TCF12: variants seen among roughly 807,000 people sequenced by gnomAD.
TCF12 encodes transcription factor 12, also known as DNA-binding protein HTF4.
Under a neutral mutation model 86.0 loss-of-function variants are expected in TCF12, and 45 were observed. That is an observed-to-expected ratio of 0.52 (90% CI 0.41 to 0.67). TCF12 has a LOEUF of 0.67. Among genes scored for constraint, TCF12 ranks in the 30% least tolerant of loss-of-function variants. The probability of loss-of-function intolerance (pLI) is 0.00; values close to 1 mark genes in which losing one functional copy is unlikely to be tolerated. For missense variants in TCF12, 881 were observed against 859.9 expected (o/e 1.02, Z -0.31); for synonymous variants, 330 against 299.6 (o/e 1.10, Z -1.05).
chr15:57,267,618 A>G (rs1442074761), intron 18 of TCF12, among the ~76,000 whole-genome samples: 1 of 152,206 alleles, frequency 6.6e-6, no homozygotes, highest in Non-Finnish European at 1.5e-5. Flanking sequence ...TTAGAGGACA[A>G]AAGTAGCCAA....
chr15:57,068,451 AC>A (rs1269025780), intron 4 of TCF12, among the ~76,000 whole-genome samples: 2 of 152,334 alleles, frequency 1.3e-5, no homozygotes, highest in African/African-American at 4.8e-5. Context: ...TAATTTAACT[AC>A]TTTTATTTAT....
Position 57,262,182 on chromosome 15 carries a change from A to G in TCF12, c.1556A>G (p.Asn519Ser). ...STVTTSSTDL[N>S]HKTQENYRGG... Reference sequence around the variant, plus strand: ...GTCACTACTTCAAGCACAGACCTGAACCATAAAACACAAGAAAATTATAGA... The same window carrying G: ...GTCACTACTTCAAGCACAGACCTGAGCCATAAAACACAAGAAAATTATAGA... The change falls in exon 17 of 21, where the codon AAC (asparagine) becomes AGC (serine). Residue 519 changes from asparagine (N) to serine (S), a missense_variant. Transcript: ENST00000333725. The G allele has an allele frequency of 3.1e-6, 5 of 1,612,416 alleles. No homozygotes were observed. Among genetic ancestry groups the G allele is most frequent in the Non-Finnish European group, 4.2e-6 (5 of 1,178,910 alleles).
At chr15:57,067,908 A>G (rs1439459051) in intron 4 of TCF12, among the ~76,000 whole-genome samples, 3 of 152,210 alleles carry the variant, frequency 2.0e-5, no homozygotes, top group African/African-American at 7.2e-5. Flanking sequence ...GATCTAGTTA[A>G]TGAGTTTGTT....
intron 12 of TCF12, among the ~76,000 whole-genome samples, chr15:57,235,019 A>G (rs1198787886): frequency 1.3e-5 from 2 of 152,154 alleles, no homozygotes; most frequent in Non-Finnish European, 2.9e-5. Flanking sequence ...ATTTAAGGAG[A>G]TAAACCTCTT....
chr15:57,226,907 A>G (rs2058909303), intron 8 of TCF12, among the ~76,000 whole-genome samples: 1 of 127,510 alleles, frequency 7.8e-6, no homozygotes, highest in Non-Finnish European at 1.9e-5. Flanking sequence ...TTCAGTAGTC[A>G]TGTGACTGAT....
At chr15:57,227,162 C>T (rs1470705762) in intron 8 of TCF12, among the ~76,000 whole-genome samples, 2 of 152,132 alleles carry the variant, frequency 1.3e-5, no homozygotes, top group Admixed American at 1.3e-4. Context: ...CATGCTTTAA[C>T]TTTGTCTTAT....
chr15:57,028,251 G>A (rs1000098730), intron 3 of TCF12, among the ~76,000 whole-genome samples: 3 of 151,924 alleles, frequency 2.0e-5, no homozygotes, highest in Admixed American at 6.6e-5. Context: ...GTGAGCCACC[G>A]CGCCCGACTG....
chr15:57,112,310 G>T (rs1296060609), intron 5 of TCF12, among the ~76,000 whole-genome samples: 1 of 152,184 alleles, frequency 6.6e-6, no homozygotes, highest in Non-Finnish European at 1.5e-5. Context: ...GTAGTGCAAA[G>T]AAGCCAAGTC....
At chr15:57,228,366 T>A (rs117245847) in intron 8 of TCF12, among the ~76,000 whole-genome samples, 3,082 of 152,172 alleles carry the variant, frequency 0.02, 54 homozygotes, top group Middle Eastern at 0.034. Flanking sequence ...TTCAAAACAT[T>A]CTTATGATGA....
intron 3 of TCF12, among the ~76,000 whole-genome samples, chr15:57,021,313 G>A (rs372180523): frequency 3.0e-4 from 46 of 152,312 alleles, no homozygotes; most frequent in African/African-American, 1.0e-3. Context: ...GAAATGGGAA[G>A]GCATGGGTAA....
chr15:57,062,303 C>T lies in TCF12; in HGVS notation c.149-1447C>T, dbSNP rs543301153. On this transcript the variant is annotated intron_variant, in intron 3 of 20. Coordinates refer to ENST00000333725, the MANE Select transcript of TCF12 (RefSeq NM_207037.2). ...CATTCCCCAAACTCATAGAATATCT[C>T]TTAAATTTGGAACTTTAATACTAGC... is the stretch of plus-strand genomic sequence containing the variant. 2.4e-4 allele frequency among the ~76,000 whole-genome samples: 36 copies of T among 152,096 alleles called. 1 individual carries two copies. In the South Asian group the frequency reaches 7.3e-3, roughly 31 times the overall value.
intron 13 of TCF12, among the ~76,000 whole-genome samples, chr15:57,248,427 G>T (rs1179516607): frequency 6.6e-6 from 1 of 152,190 alleles, no homozygotes; most frequent in African/African-American, 2.4e-5. Context: ...TGCAGTAAGA[G>T]AATAAGTTTA....
chr15:57,197,152 C>CTTTTTTTTTTT (rs138145337), intron 7 of TCF12, among the ~76,000 whole-genome samples: 3,155 of 87,090 alleles, frequency 0.036, 379 homozygotes, highest in Non-Finnish European at 0.044. Flanking sequence ...AGAACAGCTT[C>CTTTTTTTTTTT]TTTTTTTTTT....
chr15:57,001,912 A>G (rs1477551177), intron 3 of TCF12, among the ~76,000 whole-genome samples: 1 of 152,220 alleles, frequency 6.6e-6, no homozygotes, highest in African/African-American at 2.4e-5. Context: ...GAGTCCAGAT[A>G]TGGAAGGTGT....
chr15:57,009,106 CT>C (rs1374693074), intron 3 of TCF12, among the ~76,000 whole-genome samples: 1 of 151,998 alleles, frequency 6.6e-6, no homozygotes, highest in Non-Finnish European at 1.5e-5. Flanking sequence ...AAATTTGGTC[CT>C]GCTTTTTTGT....
intron 3 of TCF12, among the ~76,000 whole-genome samples, chr15:57,022,667 A>G (rs1243373557): frequency 6.6e-6 from 1 of 152,192 alleles, no homozygotes; most frequent in Non-Finnish European, 1.5e-5. Flanking sequence ...TGGTTGAGCT[A>G]ATTTACACTC....
intron 19 of TCF12, among the ~76,000 whole-genome samples, chr15:57,274,519 T>C (rs1463809137): frequency 2.6e-5 from 4 of 152,234 alleles, no homozygotes; most frequent in African/African-American, 9.6e-5. Context: ...GGCAGATTGT[T>C]ACCCACTCGC....
intron 4 of TCF12, among the ~76,000 whole-genome samples, chr15:57,075,240 CTGTG>C (rs1223271390): frequency 6.6e-6 from 1 of 152,130 alleles, no homozygotes; most frequent in African/African-American, 2.4e-5. Flanking sequence ...TGAGTTTTTG[CTGTG>C]TGTGTATTAC....
intron 18 of TCF12, among the ~76,000 whole-genome samples, chr15:57,269,207 C>T (rs754217034): frequency 5.3e-5 from 8 of 151,876 alleles, no homozygotes; most frequent in Admixed American, 3.9e-4. Flanking sequence ...TCTGGGTGCT[C>T]GTGTATTGGG....
Sources: gnomAD v4.1 joint callset for allele counts (sites outside exome capture counted in the v4.1 genomes callset) on GRCh38, gnomAD v4.1.1 for gene constraint, MANE v1.5 for transcripts, NCBI Gene and HGNC (gene_info 2026-07-23, HGNC 2026-07-21) for gene names.